The following CTNNA2 variants were observed in gnomAD, a reference collection of about 807,000 sequenced individuals.
CTNNA2 encodes catenin alpha 2, also known as catenin alpha-2.
In CTNNA2, 42 loss-of-function variants were observed where a neutral mutation model predicts 101.0. The observed-to-expected ratio is 0.42, with a 90% CI of 0.32 to 0.54. The LOEUF is 0.54. CTNNA2 is among the 20% of genes least tolerant of loss of function. The pLI is 0.14. For synonymous variants in CTNNA2, 450 were observed against 456.4 expected (o/e 0.99, Z 0.18); for missense variants, 871 against 1,223.1 (o/e 0.71, Z 4.29).
intron 4 of CTNNA2, among the ~76,000 whole-genome samples, chr2:79,484,981 A>G (rs1671143778): frequency 6.6e-6 from 1 of 152,186 alleles, no homozygotes; most frequent in South Asian, 2.1e-4. Flanking sequence ...CATTTTCCAG[A>G]ACATACTACA....
At chr2:80,565,595 TGGTAGAAACA>T (rs1693987651) in intron 12 of CTNNA2, among the ~76,000 whole-genome samples, 1 of 16,614 alleles carries the variant, frequency 6.0e-5, no homozygotes, top group Admixed American at 7.3e-4. Flanking sequence ...TGATTTTGCC[TGGTAGAAACA>T]GTGTGTGCAT....
intron 7 of CTNNA2, among the ~76,000 whole-genome samples, chr2:80,271,459 T>G (rs1430298913): frequency 7.9e-5 from 12 of 151,680 alleles, no homozygotes; most frequent in Non-Finnish European, 1.8e-4. Context: ...TCTCGCTCTT[T>G]AGCTCAGGCT....
intron 7 of CTNNA2, among the ~76,000 whole-genome samples, chr2:80,180,471 C>A: frequency 6.6e-6 from 1 of 152,328 alleles, no homozygotes; most frequent in East Asian, 1.9e-4. Context: ...TGCTGCTTTG[C>A]ATCTGCTGTC....
chr2:79,456,703 G>A (rs1670825925), intron 4 of CTNNA2, among the ~76,000 whole-genome samples: 1 of 152,104 alleles, frequency 6.6e-6, no homozygotes, highest in South Asian at 2.1e-4. Context: ...CTCTTGGAAC[G>A]ATTGAAATCT....
At chr2:80,388,045 C>A (rs755599634) in intron 7 of CTNNA2, among the ~76,000 whole-genome samples, 1 of 152,194 alleles carries the variant, frequency 6.6e-6, no homozygotes, top group Admixed American at 6.5e-5. Flanking sequence ...ATAAGTTCTG[C>A]GGACAAAAAG....
intron 7 of CTNNA2, among the ~76,000 whole-genome samples, chr2:79,941,053 G>A (rs1190609342): frequency 6.6e-6 from 1 of 152,174 alleles, no homozygotes; most frequent in African/African-American, 2.4e-5. Flanking sequence ...TGGTAGTCTT[G>A]AGCTTCTGCA....
chr2:79,856,857 G>T (rs1681179699), intron 3 of CTNNA2, among the ~76,000 whole-genome samples: 1 of 152,060 alleles, frequency 6.6e-6, no homozygotes, highest in Non-Finnish European at 1.5e-5. Flanking sequence ...TCTCACCACT[G>T]CTCTCTCAGA....
intron 7 of CTNNA2, among the ~76,000 whole-genome samples, chr2:80,336,859 A>C (rs1219532628): frequency 6.6e-6 from 1 of 152,212 alleles, no homozygotes; most frequent in Non-Finnish European, 1.5e-5. Flanking sequence ...ATGAAGTCTC[A>C]AAGTCAAGGA....
chr2:79,475,837 C>T lies in CTNNA2; in HGVS notation c.-134-29217C>T, dbSNP rs76803126. ...TGTTTGTCTATTATGCTTGGTAATA[C>T]TCAATATCTATAAGGATGCTGAAGT... On this transcript the variant is annotated intron_variant, in intron 4 of 21. Coordinates refer to the CTNNA2 transcript ENST00000466387. 3.2e-4 allele frequency among the ~76,000 whole-genome samples: 48 copies of T among 152,126 alleles called. 1 individual carries two copies. The East Asian group carries it at 8.9e-3, about 28-fold the overall frequency.
At chr2:79,234,250 T>G (rs181499367) in intron 2 of CTNNA2, among the ~76,000 whole-genome samples, 2 of 152,096 alleles carry the variant, frequency 1.3e-5, no homozygotes, top group East Asian at 3.9e-4. Flanking sequence ...TATCCCTTAG[T>G]GCTTGCTTCT....
In CTNNA2 at chr2:79,358,422, A is replaced by G. The variant is rs540718823; in HGVS notation, c.-317-15409A>G. Reference sequence around the variant, plus strand: ...ACCATGTTGGCCAGGCTGATCTCGAACTCCTGACCTCAGGTGATTCATCTG... The same window carrying G: ...ACCATGTTGGCCAGGCTGATCTCGAGCTCCTGACCTCAGGTGATTCATCTG... On this transcript the variant is annotated intron_variant, in intron 3 of 21. Coordinates refer to the CTNNA2 transcript ENST00000466387. Among the ~76,000 whole-genome samples, 10 of 152,016 alleles carry G rather than the reference A, an allele frequency of 6.6e-5. 1 individual carries two copies. The South Asian group carries it at 2.1e-3, about 32-fold the overall frequency.
chr2:80,224,920 C>A (rs930513575), intron 7 of CTNNA2, among the ~76,000 whole-genome samples: 4 of 152,078 alleles, frequency 2.6e-5, no homozygotes, highest in Admixed American at 2.0e-4. Flanking sequence ...ATAGAAGGAT[C>A]ATTTCCACCT....
intron 7 of CTNNA2, among the ~76,000 whole-genome samples, chr2:80,356,088 T>C (rs1379493987): frequency 2.0e-5 from 3 of 152,184 alleles, no homozygotes; most frequent in Non-Finnish European, 2.9e-5. Flanking sequence ...TTTCACTTTG[T>C]TTCTTTTCTC....
At chr2:80,477,226 A>C (rs1460457166) in intron 9 of CTNNA2, among the ~76,000 whole-genome samples, 1 of 152,204 alleles carries the variant, frequency 6.6e-6, no homozygotes, top group Non-Finnish European at 1.5e-5. Flanking sequence ...GTAGGAGAAA[A>C]ACAGGCTTTG....
chr2:79,248,525 A>C (rs1674726712), intron 2 of CTNNA2, among the ~76,000 whole-genome samples: 1 of 152,158 alleles, frequency 6.6e-6, no homozygotes, highest in South Asian at 2.1e-4. Context: ...GGATGGTCAC[A>C]TGTATCCAGG....
intron 9 of CTNNA2, among the ~76,000 whole-genome samples, chr2:80,435,595 A>C (rs916092070): frequency 1.3e-5 from 2 of 152,226 alleles, no homozygotes; most frequent in African/African-American, 4.8e-5. Context: ...CTCTAATGAA[A>C]GAGGACAGGA....
chr2:79,573,397 A>G (rs989841979), intron 1 of CTNNA2, among the ~76,000 whole-genome samples: 2 of 152,226 alleles, frequency 1.3e-5, no homozygotes, highest in African/African-American at 4.8e-5. Flanking sequence ...TCACTGCAGG[A>G]GAATTTTATT....
At chr2:80,201,394 GAC>G (rs1219627410) in intron 7 of CTNNA2, among the ~76,000 whole-genome samples, 1 of 87,644 alleles carries the variant, frequency 1.1e-5, no homozygotes, top group Non-Finnish European at 2.0e-5. Flanking sequence ...TTTTTTTTGA[GAC>G]AGAGTCTTGC....
intron 7 of CTNNA2, among the ~76,000 whole-genome samples, chr2:80,350,317 A>G (rs774462882): frequency 6.6e-6 from 1 of 152,142 alleles, no homozygotes; most frequent in Non-Finnish European, 1.5e-5. Flanking sequence ...GGTAAGTTTT[A>G]TTTTATTGTA....
Sources: gnomAD v4.1 joint callset for allele counts (sites outside exome capture counted in the v4.1 genomes callset) on GRCh38, gnomAD v4.1.1 for gene constraint, MANE v1.5 for transcripts, NCBI Gene and HGNC (gene_info 2026-07-23, HGNC 2026-07-21) for gene names.